The following METTL27 variants were observed in gnomAD, a reference collection of about 807,000 sequenced individuals.
METTL27 encodes the protein methyltransferase-like protein 27.
A neutral mutation model predicts 24.5 loss-of-function variants in METTL27; 29 were observed. That is an observed-to-expected ratio of 1.18 (90% CI 0.88 to 1.61). The LOEUF (loss-of-function observed/expected upper bound fraction) is 1.61. Ranked by LOEUF, METTL27 falls within the 40% of genes most tolerant of loss-of-function variation. The pLI is 0.00. For missense variants in METTL27, 341 were observed against 324.3 expected (o/e 1.05, Z -0.40); for synonymous variants, 138 against 146.8 (o/e 0.94, Z 0.43).
chr7:73,837,091 C>T (rs1389902460), intron 5 of METTL27, among the ~76,000 whole-genome samples: 2 of 145,968 alleles, frequency 1.4e-5, no homozygotes, highest in Admixed American at 1.4e-4. Context: ...GCAGCATGCT[C>T]GTTAAGAGTC....
At chr7:73,837,317 TA>T (rs56009726) in intron 5 of METTL27, among the ~76,000 whole-genome samples, 2,726 of 137,430 alleles carry the variant, frequency 0.02, 114 homozygotes, top group African/African-American at 0.069. Flanking sequence ...TTAAAAAAAA[TA>T]AAAAAAAATA....
chr7:73,838,190 AC>A (rs1554635678), intron 5 of METTL27, among the ~76,000 whole-genome samples: 1 of 151,814 alleles, frequency 6.6e-6, no homozygotes, highest in Non-Finnish European at 1.5e-5. Flanking sequence ...TTGAGGAGAC[AC>A]CCTCCTCACC....
intron 2 of METTL27, among the ~76,000 whole-genome samples, chr7:73,841,450 C>A (rs1402285426): frequency 1.3e-5 from 2 of 151,402 alleles, no homozygotes; most frequent in Non-Finnish European, 2.9e-5. Context: ...CCAAGCGGCT[C>A]TCTCTGCTGA....
intron 5 of METTL27, among the ~76,000 whole-genome samples, chr7:73,836,044 C>G (rs1195003755): frequency 1.9e-4 from 28 of 147,302 alleles, no homozygotes. Context: ...AAGTGAGGAG[C>G]GTCTCCGCCC....
chr7:73,839,497 C>A (rs1788292671), intron 5 of METTL27: 2 of 152,694 alleles, frequency 1.3e-5, no homozygotes, highest in South Asian at 2.1e-4. Flanking sequence ...GCCCGGGCAG[C>A]GCAATGTGCA....
intron 1 of METTL27, 48 bp downstream of exon 1, chr7:73,842,442 G>A: frequency 2.7e-6 from 1 of 367,604 alleles, no homozygotes; most frequent in Admixed American, 4.8e-5. Context: ...GGAGGTGGGC[G>A]ACATCCGGAG....
At chr7:73,838,120 T>C (rs2130550029) in intron 5 of METTL27, among the ~76,000 whole-genome samples, 1 of 152,114 alleles carries the variant, frequency 6.6e-6, no homozygotes, top group East Asian at 1.9e-4. Context: ...CCCAAAGTGC[T>C]GGGATTATGG....
chr7:73,834,756 CT>C lies in METTL27; in HGVS notation c.724del (p.Arg242GlyfsTer2). 1 of 1,614,032 alleles carries C rather than the reference CT, an allele frequency of 6.2e-7. No homozygotes were observed. The highest frequency in any genetic ancestry group is 1.3e-5 in the African/African-American group (1 of 75,064). Reference sequence around the variant, plus strand: ...GGGGGCTGGATCTCACTTCCTCAACCTGGGTCGCCTTCCACTTTCGGTACAG... The same window carrying C: ...GGGGGCTGGATCTCACTTCCTCAACCGGGTCGCCTTCCACTTTCGGTACAG... ...STCTESGRRP[R>X]LRK On this transcript the variant is annotated frameshift_variant, in exon 6 of 6. Transcript: ENST00000297873. LOFTEE classifies it high-confidence loss of function.
chr7:73,834,734 G>T lies in METTL27; in HGVS notation c.*9C>A. 7.4e-6 allele frequency: 12 copies of T among 1,611,534 alleles called. No homozygotes were observed. Among genetic ancestry groups the T allele is most frequent in the Non-Finnish European group, 1.0e-5 (12 of 1,178,552 alleles). On this transcript the variant is annotated 3_prime_UTR_variant, in exon 6 of 6. Coordinates refer to ENST00000297873, the MANE Select transcript of METTL27 (RefSeq NM_152559.3). ...AGTCAGGGGCCAGCTGGGGGCTGGGGGCTGGATCTCACTTCCTCAACCTGG... is the reference window on the plus strand; with the variant it reads ...AGTCAGGGGCCAGCTGGGGGCTGGGTGCTGGATCTCACTTCCTCAACCTGG...
intron 5 of METTL27, among the ~76,000 whole-genome samples, chr7:73,837,854 T>G (rs1257720773): frequency 6.6e-6 from 1 of 151,700 alleles, no homozygotes; most frequent in African/African-American, 2.4e-5. Flanking sequence ...CACCCCCCCT[T>G]TTTTTTCTTT....
In METTL27 at chr7:73,842,513, G is replaced by C. The variant is rs1016293203; in HGVS notation, c.-28C>G. 4.9e-6 allele frequency: 1 copy of C among 204,746 alleles called. No individual in the cohort carries two copies. The highest frequency in any genetic ancestry group is 9.7e-6 in the Non-Finnish European group (1 of 102,776). 12.7% of individuals were successfully genotyped at this position (204,746 alleles called of 1,614,324 possible). Reference sequence around the variant, plus strand: ...ACCGCCAATCCAGCGCGCCTCGGGCGTGTGGGCAACAGGACTCGGGGCGGG... The same window carrying C: ...ACCGCCAATCCAGCGCGCCTCGGGCCTGTGGGCAACAGGACTCGGGGCGGG... On this transcript the variant is annotated 5_prime_UTR_variant, in exon 1 of 6. Coordinates refer to ENST00000297873, the MANE Select transcript of METTL27 (RefSeq NM_152559.3).
intron 5 of METTL27, among the ~76,000 whole-genome samples, chr7:73,837,381 TAA>T (rs1156350591): frequency 3.9e-5 from 5 of 126,876 alleles, no homozygotes; most frequent in African/African-American, 1.5e-4. Context: ...AATAAATAAA[TAA>T]AAGATTGGGG....
intron 5 of METTL27, among the ~76,000 whole-genome samples, chr7:73,836,388 AG>A (rs1788197111): frequency 1.1e-4 from 3 of 27,770 alleles, no homozygotes; most frequent in African/African-American, 1.6e-4. Context: ...CCAGCCGCCC[AG>A]TCCGGGAGGG....
In METTL27 at chr7:73,840,127, GTGTGT is replaced by G; in HGVS notation, c.389-12_389-8del. On this transcript the variant is annotated splice_polypyrimidine_tract_variant and splice_region_variant and intron_variant, in intron 4 of 5. Transcript: ENST00000297873. ...AGCACCGCGTCGAAGGTCCCTGTGT[GTGTGT>G]GGGGGGGGGTGGGGACATGGTGTGA... 7 of 1,527,878 alleles carry G rather than the reference GTGTGT, an allele frequency of 4.6e-6. No homozygotes were observed. Among genetic ancestry groups the G allele is most frequent in the Non-Finnish European group, 6.2e-6 (7 of 1,127,316 alleles). 94.6% of individuals were successfully genotyped at this position (1,527,878 alleles called of 1,614,324 possible).
intron 5 of METTL27, among the ~76,000 whole-genome samples, chr7:73,836,185 G>A (rs376709581): frequency 1.6e-5 from 2 of 127,836 alleles, no homozygotes; most frequent in Admixed American, 7.5e-5. Context: ...AGGTAGGGGG[G>A]TCAGCCCCCC....
intron 5 of METTL27, among the ~76,000 whole-genome samples, chr7:73,837,735 T>C (rs1788249284): frequency 6.6e-6 from 1 of 152,000 alleles, no homozygotes; most frequent in Admixed American, 6.6e-5. Flanking sequence ...GGCTATTTTG[T>C]ATTTTTTGTA....
chr7:73,838,434 A>G (rs1788266625), intron 5 of METTL27, among the ~76,000 whole-genome samples: 1 of 152,188 alleles, frequency 6.6e-6, no homozygotes, highest in Non-Finnish European at 1.5e-5. Flanking sequence ...AGGTCCAGGC[A>G]CCTATAGTGT....
chr7:73,836,123 A>AGGGAGGTG, intron 5 of METTL27, among the ~76,000 whole-genome samples: 1 of 113,110 alleles, frequency 8.8e-6, no homozygotes, highest in African/African-American at 2.9e-5. Context: ...CCCATCCGGG[A>AGGGAGGTG]GGGAGGTGGG....
intron 5 of METTL27, among the ~76,000 whole-genome samples, chr7:73,838,461 C>T (rs1554635732): frequency 6.6e-6 from 1 of 152,108 alleles, no homozygotes; most frequent in Non-Finnish European, 1.5e-5. Context: ...CCAGGGTGGC[C>T]CCAAGTGCAC....
Sources: gnomAD v4.1 joint callset for allele counts (sites outside exome capture counted in the v4.1 genomes callset) on GRCh38, gnomAD v4.1.1 for gene constraint, MANE v1.5 for transcripts, NCBI Gene and HGNC (gene_info 2026-07-23, HGNC 2026-07-21) for gene names.